DMXL1: variants seen among roughly 807,000 people sequenced by gnomAD.
DMXL1 encodes the protein Dmx like 1.
Under a neutral mutation model 319.2 loss-of-function variants are expected in DMXL1, and 99 were observed. The observed-to-expected ratio is 0.31, with a 90% confidence interval of 0.26 to 0.37. DMXL1 has a LOEUF of 0.37. DMXL1 is among the 10% of genes least tolerant of loss of function. The probability of loss-of-function intolerance (pLI) is 1.00; values close to 1 mark genes in which losing one functional copy is unlikely to be tolerated. For synonymous variants in DMXL1, 1,385 were observed against 1,235.2 expected (o/e 1.12, Z -2.54); for missense variants, 3,745 against 3,595.6 (o/e 1.04, Z -1.06).
At chr5:119,126,813 A>G (rs1489279287) in intron 9 of DMXL1, 1 of 159,008 alleles carries the variant, frequency 6.3e-6, no homozygotes, top group East Asian at 1.9e-4. Flanking sequence ...TTCTGTTCTA[A>G]AATATGTTGT....
At chr5:119,107,295 T>A (rs1404358964) in intron 4 of DMXL1, among the ~76,000 whole-genome samples, 3 of 152,024 alleles carry the variant, frequency 2.0e-5, no homozygotes, top group Non-Finnish European at 4.4e-5. Context: ...GAGCCATGAT[T>A]GTGCTACTGC....
rs781409168 is a variant in DMXL1, at chr5:119,167,722, C to A, written c.5256C>A (p.Ile1752=). ...TTTTACGTAAAAAAGTTTTGGGAAT[C>A]GATTCTCCTGTCAGTGAACTGTGTT... is the stretch of plus-strand genomic sequence containing the variant. The part of the protein sequence containing the change: ...KSILRKKVLG[I]DSPVSELCSL... The change falls in exon 23 of 44, where the codon ATC becomes ATA. Residue 1752 remains isoleucine (I), a synonymous_variant. Coordinates refer to ENST00000539542, the MANE Select transcript of DMXL1 (RefSeq NM_001290321.3). 1.2e-6 allele frequency: 2 copies of A among 1,613,386 alleles called. No homozygotes were observed. Among genetic ancestry groups the A allele is most frequent in the African/African-American group, 1.3e-5 (1 of 74,856 alleles).
intron 1 of DMXL1, among the ~76,000 whole-genome samples, chr5:119,081,399 C>G (rs1412531807): frequency 6.6e-6 from 1 of 152,144 alleles, no homozygotes; most frequent in African/African-American, 2.4e-5. Context: ...CATATGTGTG[C>G]GAGGCATTGT....
chr5:119,244,619 C>T (rs993312732), intron 43 of DMXL1, 43 bp downstream of exon 43: 2 of 1,468,234 alleles, frequency 1.4e-6, no homozygotes, highest in Middle Eastern at 1.7e-4. Context: ...ATGAAATCTT[C>T]AGAAACCTTA....
intron 9 of DMXL1, chr5:119,126,827 G>C (rs1763691697): frequency 6.2e-6 from 1 of 160,520 alleles, no homozygotes; most frequent in South Asian, 2.0e-4. Context: ...ATGTTGTTGA[G>C]TTGAGCTTCT....
chr5:119,226,465 G>A (rs1157628713), intron 38 of DMXL1, among the ~76,000 whole-genome samples: 2 of 152,082 alleles, frequency 1.3e-5, no homozygotes. Flanking sequence ...AGTTAGCCTA[G>A]TACATTTTAT....
intron 35 of DMXL1, 125 bp from the exon 36 acceptor site, chr5:119,220,347 C>A: frequency 1.4e-6 from 1 of 725,936 alleles, no homozygotes; most frequent in Non-Finnish European, 2.2e-6. Context: ...AGTAAGAATG[C>A]TGTATATCCT....
rs1395580662 is a variant in DMXL1, at chr5:119,175,201, GA to G, written c.6682-52del. On this transcript the variant is annotated intron_variant, in intron 25 of 43. Transcript: ENST00000539542. The stretch of plus-strand genomic sequence containing the variant: ...AAAAATGCTGATTATATTAGGTCTT[GA>G]AAAAAAATCTGCACTTTAAAAAGGT... 45 of 1,343,116 alleles carry G rather than the reference GA, an allele frequency of 3.4e-5. No individual in the cohort carries two copies. In the East Asian group the frequency reaches 4.3e-4, roughly 13 times the overall value. The allele number at this position is 1,343,116 out of a possible 1,614,324, so 83.2% of individuals were successfully genotyped here.
intron 26 of DMXL1, among the ~76,000 whole-genome samples, chr5:119,175,540 A>G (rs1775631436): frequency 6.6e-6 from 1 of 152,178 alleles, no homozygotes; most frequent in Admixed American, 6.5e-5. Flanking sequence ...TAACTTATTT[A>G]GCAGCCTATT....
At chr5:119,077,851 G>A (rs112849849) in intron 1 of DMXL1, among the ~76,000 whole-genome samples, 5,346 of 135,138 alleles carry the variant, frequency 0.04, 126 homozygotes, top group Non-Finnish European at 0.06. Context: ...GTGTGTGTGT[G>A]TATATATACG....
In DMXL1 at chr5:119,167,796, A is replaced by G. The variant is rs1773731169; in HGVS notation, c.5330A>G (p.Tyr1777Cys). 7.4e-6 allele frequency: 12 copies of G among 1,613,638 alleles called. No individual in the cohort carries two copies. The highest frequency in any genetic ancestry group is 1.0e-5 in the Non-Finnish European group (12 of 1,179,736). Residue 1777 changes from tyrosine to cysteine, a missense_variant, in exon 23 of 44, where the codon TAT (tyrosine) becomes TGT (cysteine). Tyr to Cys is a radical substitution (Grantham distance 194). Coordinates refer to ENST00000539542, the MANE Select transcript of DMXL1 (RefSeq NM_001290321.3). ...HHDPFLRSMA[Y>C]WILEDYSGAL... ...GATCCTTTTCTTCGGAGCATGGCATATTGGATTTTGGAAGATTATAGTGGT... is the reference window on the plus strand; with the variant it reads ...GATCCTTTTCTTCGGAGCATGGCATGTTGGATTTTGGAAGATTATAGTGGT...
intron 17 of DMXL1, among the ~76,000 whole-genome samples, chr5:119,148,104 T>C (rs1476852841): frequency 6.6e-6 from 1 of 152,210 alleles, no homozygotes; most frequent in African/African-American, 2.4e-5. Flanking sequence ...AGGAAACTAA[T>C]AGTGCATGAT....
chr5:119,101,495 G>A (rs1304535465), intron 2 of DMXL1, among the ~76,000 whole-genome samples: 6 of 152,196 alleles, frequency 3.9e-5, no homozygotes, highest in Non-Finnish European at 8.8e-5. Context: ...GTTTTAAAAT[G>A]TACTCAGGGA....
chr5:119,202,578 C>A (rs1367086030), intron 32 of DMXL1, among the ~76,000 whole-genome samples: 1 of 151,870 alleles, frequency 6.6e-6, no homozygotes, highest in Non-Finnish European at 1.5e-5. Context: ...AATATAATTT[C>A]TCACCTTCAC....
intron 12 of DMXL1, 34 bp from the exon 13 acceptor site, chr5:119,134,234 G>A (rs1224101638): frequency 6.2e-7 from 1 of 1,603,876 alleles, no homozygotes; most frequent in Non-Finnish European, 8.5e-7. Flanking sequence ...TATCATCAAA[G>A]GGTGAAATTT....
intron 20 of DMXL1, among the ~76,000 whole-genome samples, 158 bp from the exon 21 acceptor site, chr5:119,165,023 CTT>C (rs982939926): frequency 2.0e-5 from 3 of 151,934 alleles, no homozygotes; most frequent in Admixed American, 6.6e-5. Flanking sequence ...CTGTAAGTCA[CTT>C]TTGTTATTAT....
chr5:119,176,533 T>A (rs1001919540), intron 26 of DMXL1, among the ~76,000 whole-genome samples: 9 of 152,010 alleles, frequency 5.9e-5, no homozygotes, highest in African/African-American at 2.2e-4. Context: ...ATGAGGGAGT[T>A]TTTTTTGTTG....
intron 13 of DMXL1, among the ~76,000 whole-genome samples, chr5:119,137,371 C>A (rs897204801): frequency 5.3e-5 from 8 of 152,150 alleles, no homozygotes; most frequent in African/African-American, 1.9e-4. Flanking sequence ...GTTCCCTTGT[C>A]TCAGATGATA....
chr5:119,214,942 T>G (rs988979481), intron 34 of DMXL1, among the ~76,000 whole-genome samples: 11 of 152,200 alleles, frequency 7.2e-5, no homozygotes, highest in African/African-American at 2.7e-4. Flanking sequence ...ATCATCTTTC[T>G]CTGTCGCCAA....
Sources: gnomAD v4.1 joint callset for allele counts (sites outside exome capture counted in the v4.1 genomes callset) on GRCh38, gnomAD v4.1.1 for gene constraint, MANE v1.5 for transcripts, NCBI Gene and HGNC (gene_info 2026-07-23, HGNC 2026-07-21) for gene names.